Variants in DYRK1A observed in about 807,000 individuals in gnomAD.
DYRK1A encodes the protein dual specificity tyrosine phosphorylation regulated kinase 1A, also known as dual specificity tyrosine-phosphorylation-regulated kinase 1A.
Under a neutral mutation model 79.7 loss-of-function variants are expected in DYRK1A, and 9 were observed. That is an observed-to-expected ratio of 0.11 (90% CI 0.07 to 0.20). DYRK1A has a LOEUF of 0.20. Ranked by LOEUF, DYRK1A falls within the 10% of genes least tolerant of loss-of-function variation. The pLI is 1.00. For missense variants in DYRK1A, 622 were observed against 956.0 expected (o/e 0.65, Z 4.61); for synonymous variants, 349 against 329.7 (o/e 1.06, Z -0.63).
chr21:37,418,339 T>C (rs895048676), intron 1 of DYRK1A, among the ~76,000 whole-genome samples: 3 of 152,208 alleles, frequency 2.0e-5, no homozygotes, highest in Non-Finnish European at 4.4e-5. Flanking sequence ...ATGGATAATG[T>C]TTCAAAAAGG....
intron 3 of DYRK1A, among the ~76,000 whole-genome samples, chr21:37,474,277 C>T (rs565623826): frequency 1.3e-5 from 2 of 152,120 alleles, no homozygotes; most frequent in Non-Finnish European, 2.9e-5. Context: ...TAACAAAGCA[C>T]CTATTTTTAT....
intron 1 of DYRK1A, among the ~76,000 whole-genome samples, chr21:37,404,592 C>T (rs2050115023): frequency 2.0e-5 from 3 of 152,152 alleles, no homozygotes; most frequent in African/African-American, 7.2e-5. Context: ...CTCAGCATGC[C>T]CGCCATGCTT....
intron 11 of DYRK1A, among the ~76,000 whole-genome samples, chr21:37,508,809 C>T (rs1362485727): frequency 1.3e-5 from 2 of 152,180 alleles, no homozygotes; most frequent in African/African-American, 4.8e-5. Context: ...CTGGAACACT[C>T]TTTTCCTCCT....
intron 1 of DYRK1A, among the ~76,000 whole-genome samples, chr21:37,409,412 C>T (rs547178927): frequency 5.9e-5 from 9 of 152,212 alleles, no homozygotes; most frequent in African/African-American, 1.9e-4. Context: ...CAACGCTAAG[C>T]ACTTTTTTGG....
At chr21:37,480,433 C>A (rs964556196) in intron 4 of DYRK1A, among the ~76,000 whole-genome samples, 4 of 152,164 alleles carry the variant, frequency 2.6e-5, no homozygotes, top group African/African-American at 9.7e-5. Context: ...TTGGACAAGT[C>A]ACTTAACATT....
At chr21:37,469,021 C>T (rs2052130703) in intron 2 of DYRK1A, among the ~76,000 whole-genome samples, 1 of 152,110 alleles carries the variant, frequency 6.6e-6, no homozygotes, top group South Asian at 2.1e-4. Flanking sequence ...CCTGAATGTA[C>T]ATTTCACGAT....
chr21:37,470,809 A>G (rs1470338270), intron 2 of DYRK1A, among the ~76,000 whole-genome samples: 1 of 152,220 alleles, frequency 6.6e-6, no homozygotes, highest in Non-Finnish European at 1.5e-5. Flanking sequence ...GCCTTAGTGT[A>G]AGTTTGTAGA....
intron 1 of DYRK1A, among the ~76,000 whole-genome samples, chr21:37,413,733 C>T (rs2835722): frequency 0.54 from 82,515 of 151,936 alleles, 22,876 homozygotes; most frequent in African/African-American, 0.66. Flanking sequence ...GCCACCTCTT[C>T]TAAGTTCCTC....
intron 1 of DYRK1A, among the ~76,000 whole-genome samples, chr21:37,414,776 C>T (rs2050306003): frequency 6.6e-6 from 1 of 152,094 alleles, no homozygotes; most frequent in Non-Finnish European, 1.5e-5. Flanking sequence ...TTTGAGAATT[C>T]ATTTTTGAGA....
chr21:37,525,910 A>G lies in DYRK1A; in HGVS notation c.*13379A>G, dbSNP rs2053964774. On this transcript the variant is annotated 3_prime_UTR_variant, in exon 12 of 12. Transcript: ENST00000647188. ...AGAACTGCCCCGAACCACCGTTACTAAACACTGAATAGTTTTGGAAATTCA... is the reference window on the plus strand; with the variant it reads ...AGAACTGCCCCGAACCACCGTTACTGAACACTGAATAGTTTTGGAAATTCA... The G allele has an allele frequency of 1.3e-5, 2 of 152,224 alleles. No homozygotes were observed. Among genetic ancestry groups the G allele is most frequent in the Non-Finnish European group, 2.9e-5 (2 of 68,040 alleles). The allele number at this position is 152,224 out of a possible 1,614,324, so 9.4% of individuals were successfully genotyped here.
chr21:37,440,912 T>G (rs1055526216), intron 2 of DYRK1A, among the ~76,000 whole-genome samples: 4 of 152,202 alleles, frequency 2.6e-5, no homozygotes, highest in African/African-American at 4.8e-5. Context: ...GTTAATTAGG[T>G]CAACTTGGTC....
At chr21:37,402,261 T>TA (rs1449330348) in intron 1 of DYRK1A, among the ~76,000 whole-genome samples, 3 of 152,236 alleles carry the variant, frequency 2.0e-5, no homozygotes, top group Non-Finnish European at 4.4e-5. Context: ...TTAACACTCT[T>TA]CGGCATTTCT....
intron 2 of DYRK1A, among the ~76,000 whole-genome samples, chr21:37,465,348 TA>T (rs1329871677): frequency 6.6e-6 from 1 of 152,132 alleles, no homozygotes; most frequent in East Asian, 1.9e-4. Flanking sequence ...TTATTCTCCC[TA>T]AAAAAAGTTT....
In DYRK1A at chr21:37,437,049, A is replaced by G. The variant is rs150631949; in HGVS notation, c.10+16665A>G. The stretch of plus-strand genomic sequence containing the variant: ...TTTTAACAGGTGATGTTTGAAGGCT[A>G]CAGGGTGTGGAAGATGCTATACCAG... On this transcript the variant is annotated intron_variant, in intron 2 of 11. Transcript: ENST00000647188. Among the ~76,000 whole-genome samples, 1,412 of 152,276 alleles carry G rather than the reference A, an allele frequency of 9.3e-3. 14 individuals are homozygous for G. Among genetic ancestry groups the G allele is most frequent in the South Asian group, 0.019 (94 of 4,824 alleles).
intron 1 of DYRK1A, among the ~76,000 whole-genome samples, chr21:37,412,373 C>CG (rs2050260557): frequency 1.3e-5 from 2 of 152,280 alleles, no homozygotes; most frequent in African/African-American, 4.8e-5. Flanking sequence ...ATTAGGGCAG[C>CG]GGATACAGCT....
At chr21:37,502,817 G>A (rs2053490359) in intron 9 of DYRK1A, 1 of 152,062 alleles carries the variant, frequency 6.6e-6, no homozygotes, top group South Asian at 2.1e-4. Context: ...CTCTCAGCAG[G>A]TGTTGATCTG....
chr21:37,429,552 A>G (rs2050718870), intron 2 of DYRK1A, among the ~76,000 whole-genome samples: 1 of 152,180 alleles, frequency 6.6e-6, no homozygotes, highest in Admixed American at 6.5e-5. Context: ...ACTTCTAGAC[A>G]ACCAGATCTC....
At chr21:37,402,090 C>G (rs1006345657) in intron 1 of DYRK1A, among the ~76,000 whole-genome samples, 1 of 152,118 alleles carries the variant, frequency 6.6e-6, no homozygotes, top group African/African-American at 2.4e-5. Flanking sequence ...TTTACTCCTA[C>G]TTATATTATA....
Position 37,515,117 on chromosome 21 carries a change from C to T in DYRK1A, c.*2586C>T, listed in dbSNP as rs948707063. 6 of 152,432 alleles carry T rather than the reference C, an allele frequency of 3.9e-5. No individual in the cohort carries two copies. Among genetic ancestry groups the T allele is most frequent in the African/African-American group, 1.5e-4 (6 of 41,368 alleles). 9.4% of individuals were successfully genotyped at this position (152,432 alleles called of 1,614,324 possible). On this transcript the variant is annotated 3_prime_UTR_variant, in exon 12 of 12. Coordinates refer to ENST00000647188, the MANE Select transcript of DYRK1A (RefSeq NM_001347721.2). ...TTGTAACGTTAAATGAAAAAAGAAC[C>T]CCCCTTTGTATTATAGTCATGCGGT...
Sources: allele counts gnomAD v4.1 joint callset (sites outside exome capture counted in the v4.1 genomes callset), GRCh38; gene constraint gnomAD v4.1.1; transcripts MANE v1.5; gene names NCBI Gene and HGNC (gene_info 2026-07-23, HGNC 2026-07-21).